Variants in SEC31B observed in about 807,000 individuals in gnomAD.
SEC31B encodes the protein SEC31 homolog B, COPII component, also known as protein transport protein Sec31B.
A neutral mutation model predicts 135.0 loss-of-function variants in SEC31B; 113 were observed. The observed-to-expected ratio is 0.84, with a 90% CI of 0.72 to 0.98. The LOEUF is 0.98. SEC31B is among the 50% of genes least tolerant of loss of function. The pLI, the probability that SEC31B is intolerant of heterozygous loss-of-function variation, is 0.00. For missense variants in SEC31B, 1,296 were observed against 1,421.1 expected (o/e 0.91, Z 1.42); for synonymous variants, 508 against 549.4 (o/e 0.92, Z 1.05).
chr10:100,508,298 G>T (rs888655485), intron 5 of SEC31B, among the ~76,000 whole-genome samples: 2 of 152,112 alleles, frequency 1.3e-5, no homozygotes, highest in Admixed American at 1.3e-4. Context: ...TTACTAAGAG[G>T]ATAGAGTCAA....
Position 100,490,900 on chromosome 10 carries a change from A to C in SEC31B, c.2473-17T>G. On this transcript the variant is annotated splice_polypyrimidine_tract_variant and intron_variant, in intron 19 of 25. Coordinates refer to ENST00000370345, the MANE Select transcript of SEC31B (RefSeq NM_015490.4). ...AGTTGGGACCTATGAAGAGAAAAAA[A>C]CATCAGCTCTTGGAAAGGAAAGAGA... The C allele has an allele frequency of 7.1e-7, 1 of 1,403,214 alleles. No individual in the cohort carries two copies. The highest frequency in any genetic ancestry group is 1.9e-4 in the Middle Eastern group (1 of 5,156). 86.9% of individuals were successfully genotyped at this position (1,403,214 alleles called of 1,614,324 possible). A position where few individuals can be genotyped will look rare whatever the true frequency, so the allele number is the denominator to read the frequency against.
chr10:100,505,237 G>T, intron 10 of SEC31B, 124 bp downstream of exon 10: 1 of 1,216,186 alleles, frequency 8.2e-7, no homozygotes, highest in Non-Finnish European at 1.1e-6. Context: ...CTGAGACAGA[G>T]GCAGTGGGAA....
chr10:100,497,101 G>A (rs1337752401), intron 17 of SEC31B, 34 bp downstream of exon 17: 2 of 1,607,388 alleles, frequency 1.2e-6, no homozygotes, highest in South Asian at 1.1e-5. Flanking sequence ...AGGGCCTGGT[G>A]TGGAGTGGCC....
intron 3 of SEC31B, among the ~76,000 whole-genome samples, chr10:100,511,267 A>G (rs1396866952): frequency 6.6e-6 from 1 of 152,272 alleles, no homozygotes; most frequent in African/African-American, 2.4e-5. Context: ...GCGCCTGAAT[A>G]GGTTGTGATA....
intron 3 of SEC31B, among the ~76,000 whole-genome samples, chr10:100,510,043 C>T (rs1851711288): frequency 6.6e-6 from 1 of 152,192 alleles, no homozygotes; most frequent in Non-Finnish European, 1.5e-5. Flanking sequence ...AATTTCTATA[C>T]ACAGAGGTAG....
chr10:100,510,270 C>T (rs1260748709), intron 3 of SEC31B, among the ~76,000 whole-genome samples: 1 of 152,248 alleles, frequency 6.6e-6, no homozygotes, highest in Non-Finnish European at 1.5e-5. Context: ...ATGGCCTCCC[C>T]ACCCCATGCC....
chr10:100,487,364 G>C lies in SEC31B; in HGVS notation c.*252C>G, dbSNP rs1851200032. On this transcript the variant is annotated 3_prime_UTR_variant, in exon 26 of 26. Coordinates refer to ENST00000370345, the MANE Select transcript of SEC31B (RefSeq NM_015490.4). ...GGTCCTTACAGAGTGTAGTATTAGG[G>C]AGAGTGAAGAACTGATTCTATGCCC... is the stretch of plus-strand genomic sequence containing the variant. 2 of 515,728 alleles carry C rather than the reference G, an allele frequency of 3.9e-6. No homozygotes were observed. Among genetic ancestry groups the C allele is most frequent in the Non-Finnish European group, 3.5e-6 (1 of 286,010 alleles). 31.9% of individuals were successfully genotyped at this position (515,728 alleles called of 1,614,324 possible).
At chr10:100,491,965 C>T (rs1472335017) in intron 19 of SEC31B, among the ~76,000 whole-genome samples, 1 of 152,246 alleles carries the variant, frequency 6.6e-6, no homozygotes, top group Admixed American at 6.5e-5. Flanking sequence ...ACCGTACCTG[C>T]TGGAACCATA....
Position 100,496,378 on chromosome 10 carries a change from A to T in SEC31B, c.2190T>A (p.Gly730=). The T allele has an allele frequency of 1.9e-6, 3 of 1,614,006 alleles. No individual in the cohort carries two copies. Among genetic ancestry groups the T allele is most frequent in the Non-Finnish European group, 2.5e-6 (3 of 1,179,992 alleles). The change falls in exon 18 of 26, where the codon GGT becomes GGA. Residue 730 remains glycine (G), a synonymous_variant. Transcript: ENST00000370345. ...VLNRSLEQLR[G]PHGVSPGPAT... ...CAGGGCCTGGGCTCACCCCATGAGGACCCCGCAGTTGCTCCAAGCTCCTGT... is the reference window on the plus strand; with the variant it reads ...CAGGGCCTGGGCTCACCCCATGAGGTCCCCGCAGTTGCTCCAAGCTCCTGT...
rs35391848 is a variant in SEC31B, at chr10:100,497,288, G to A, written c.1991-8C>T. On this transcript the variant is annotated splice_polypyrimidine_tract_variant and splice_region_variant and intron_variant, in intron 16 of 25. Coordinates refer to ENST00000370345, the MANE Select transcript of SEC31B (RefSeq NM_015490.4). ...TGCGAGTTCCCAGCATGTCTGCAGA[G>A]AGAGGGTAATTTCATTAATGGCACA... is the stretch of plus-strand genomic sequence containing the variant. The A allele has an allele frequency of 6.2e-7, 1 of 1,612,862 alleles. No homozygotes were observed.
chr10:100,494,981 A>G (rs566681022), intron 19 of SEC31B: 1 of 268,608 alleles, frequency 3.7e-6, no homozygotes, highest in East Asian at 1.1e-4. Context: ...ACGTGCCACC[A>G]TGCCCAGATC....
chr10:100,489,598 G>T, intron 22 of SEC31B, 105 bp downstream of exon 22: 1 of 1,528,616 alleles, frequency 6.5e-7, no homozygotes, highest in Non-Finnish European at 9.0e-7. Context: ...TGGGAGGAGG[G>T]CGGGGACAGT....
chr10:100,517,009 A>T lies in SEC31B; in HGVS notation c.-45-12T>A, dbSNP rs1352762459. On this transcript the variant is annotated splice_polypyrimidine_tract_variant and intron_variant, in intron 1 of 25. Coordinates refer to ENST00000370345, the MANE Select transcript of SEC31B (RefSeq NM_015490.4). ...TGGCCCTCAGCCCACTGAAAATAGA[A>T]ACCAGCAAACTTAACAGCCAGATCC... 7.5e-7 allele frequency: 1 copy of T among 1,328,182 alleles called. No homozygotes were observed. The highest frequency in any genetic ancestry group is 2.3e-5 in the East Asian group (1 of 43,494). 82.3% of individuals were successfully genotyped at this position (1,328,182 alleles called of 1,614,324 possible).
chr10:100,518,448 T>C (rs1320810612), intron 1 of SEC31B, among the ~76,000 whole-genome samples: 5 of 152,218 alleles, frequency 3.3e-5, no homozygotes. Flanking sequence ...TATAATTACA[T>C]ATTTATTTAT....
chr10:100,503,755 T>A (rs909459958), intron 10 of SEC31B, among the ~76,000 whole-genome samples: 26 of 151,758 alleles, frequency 1.7e-4, no homozygotes, highest in African/African-American at 6.1e-4. Context: ...TTTTTTTTTT[T>A]AATTTTTACT....
Position 100,506,350 on chromosome 10 carries a change from T to A in SEC31B, c.853A>T (p.Ile285Phe). The change falls in exon 8 of 26, where the codon ATC (isoleucine) becomes TTC (phenylalanine). Residue 285 changes from isoleucine to phenylalanine, a missense_variant. Physicochemically the swap from Ile to Phe is conservative, Grantham distance 21. Transcript: ENST00000370345. ...CTGCTCCCCAGGTTCCGGCACAAGATCTGGCTGTCCTTAGCACTAGTGAGC... is the reference window on the plus strand; with the variant it reads ...CTGCTCCCCAGGTTCCGGCACAAGAACTGGCTGTCCTTAGCACTAGTGAGC... ...LLLTSAKDSQ[I>F]LCRNLGSSEV... 2 of 1,614,146 alleles carry A rather than the reference T, an allele frequency of 1.2e-6. No homozygotes were observed. Among genetic ancestry groups the A allele is most frequent in the Non-Finnish European group, 1.7e-6 (2 of 1,180,030 alleles).
intron 14 of SEC31B, 161 bp from the exon 15 acceptor site, chr10:100,498,368 G>T: frequency 1.4e-6 from 1 of 734,332 alleles, no homozygotes; most frequent in Non-Finnish European, 2.2e-6. Flanking sequence ...AATGTATTTT[G>T]GTGCCCAGGT....
At chr10:100,517,316 A>G (rs1851868716) in intron 1 of SEC31B, among the ~76,000 whole-genome samples, 1 of 152,162 alleles carries the variant, frequency 6.6e-6, no homozygotes, top group Admixed American at 6.5e-5. Context: ...CCCCAAATTT[A>G]TATCACCATC....
At position 100,497,696 on chromosome 10, in the gene SEC31B, GAGTATGTC is replaced by G; in HGVS notation, c.1953_1960del (p.Thr652ArgfsTer10). 1.2e-6 allele frequency: 2 copies of G among 1,614,224 alleles called. No homozygotes were observed. Among genetic ancestry groups the G allele is most frequent in the Non-Finnish European group, 1.7e-6 (2 of 1,180,046 alleles). ...GAGCTCGGGAAATTTCTCTGTGCCT[GAGTATGTC>G]AGTAGCAAAGCCAGTGCCTCTCTCC... On this transcript the variant is annotated frameshift_variant, in exon 16 of 26. Coordinates refer to ENST00000370345, the MANE Select transcript of SEC31B (RefSeq NM_015490.4). LOFTEE classifies it high-confidence loss of function.
Sources: gnomAD v4.1 joint callset for allele counts (sites outside exome capture counted in the v4.1 genomes callset) on GRCh38, gnomAD v4.1.1 for gene constraint, MANE v1.5 for transcripts, NCBI Gene and HGNC (gene_info 2026-07-23, HGNC 2026-07-21) for gene names.